COMMD10: variants seen among roughly 807,000 people sequenced by gnomAD.
COMMD10 encodes COMM domain-containing protein 10.
A neutral mutation model predicts 28.9 loss-of-function variants in COMMD10; 33 were observed. That is an observed-to-expected ratio of 1.14 (90% CI 0.87 to 1.53). The LOEUF (loss-of-function observed/expected upper bound fraction) is 1.53, where lower values mean the gene tolerates loss of function less well. Ranked by LOEUF, COMMD10 falls within the 40% of genes most tolerant of loss-of-function variation. The probability of loss-of-function intolerance (pLI) is 0.00; values close to 1 mark genes in which losing one functional copy is unlikely to be tolerated. For missense variants in COMMD10, 310 were observed against 233.4 expected (o/e 1.33, Z -2.14); for synonymous variants, 110 against 81.7 (o/e 1.35, Z -1.87).
At chr5:116,283,924 G>T (rs2112711149) in intron 5 of COMMD10, among the ~76,000 whole-genome samples, 1 of 151,862 alleles carries the variant, frequency 6.6e-6, no homozygotes, top group African/African-American at 2.4e-5. Context: ...GAGCTCAGGG[G>T]TTTGAAACCA....
intron 2 of COMMD10, among the ~76,000 whole-genome samples, chr5:116,089,833 T>C (rs966305749): frequency 6.6e-6 from 1 of 152,246 alleles, no homozygotes; most frequent in Non-Finnish European, 1.5e-5. Context: ...ATTGTTTTTT[T>C]CCTGTACAGT....
At chr5:116,224,378 G>A (rs1749339335) in intron 5 of COMMD10, among the ~76,000 whole-genome samples, 1 of 152,046 alleles carries the variant, frequency 6.6e-6, no homozygotes, top group South Asian at 2.1e-4. Flanking sequence ...TTGGTATAAA[G>A]GAATATCTGA....
intron 5 of COMMD10, among the ~76,000 whole-genome samples, chr5:116,249,805 T>G (rs1750057397): frequency 6.6e-6 from 1 of 151,930 alleles, no homozygotes; most frequent in African/African-American, 2.4e-5. Flanking sequence ...TATTTGTGTT[T>G]TGGGGGGAAT....
At chr5:116,134,735 C>T (rs991288069) in intron 5 of COMMD10, among the ~76,000 whole-genome samples, 9 of 152,154 alleles carry the variant, frequency 5.9e-5, no homozygotes, top group Non-Finnish European at 1.3e-4. Flanking sequence ...CATTCTCCTG[C>T]CTCAGCCTCC....
chr5:116,221,408 A>T (rs1749252373), intron 5 of COMMD10, among the ~76,000 whole-genome samples: 1 of 152,090 alleles, frequency 6.6e-6, no homozygotes, highest in African/African-American at 2.4e-5. Flanking sequence ...CTGCTATCTC[A>T]GTATATTGGT....
At chr5:116,202,185 T>A (rs957738577) in intron 5 of COMMD10, among the ~76,000 whole-genome samples, 1 of 151,924 alleles carries the variant, frequency 6.6e-6, no homozygotes, top group African/African-American at 2.4e-5. Context: ...TGATTTCCAA[T>A]TTCATCCATG....
At chr5:116,163,724 T>C (rs1313834738) in intron 5 of COMMD10, among the ~76,000 whole-genome samples, 1 of 152,214 alleles carries the variant, frequency 6.6e-6, no homozygotes, top group Non-Finnish European at 1.5e-5. Context: ...GAGATTATTC[T>C]TTTATTATAA....
intron 5 of COMMD10, among the ~76,000 whole-genome samples, chr5:116,290,926 A>G (rs770818796): frequency 6.6e-6 from 1 of 152,198 alleles, no homozygotes; most frequent in African/African-American, 2.4e-5. Context: ...TGTAGCACCC[A>G]TAAAGGATTC....
chr5:116,287,838 T>G (rs1751258632), intron 5 of COMMD10, among the ~76,000 whole-genome samples: 1 of 151,810 alleles, frequency 6.6e-6, no homozygotes, highest in African/African-American at 2.4e-5. Context: ...ATATGAAAAC[T>G]TTCTCCTTTA....
intron 5 of COMMD10, among the ~76,000 whole-genome samples, chr5:116,274,235 G>A (rs1418037067): frequency 2.0e-5 from 3 of 151,808 alleles, no homozygotes; most frequent in African/African-American, 7.3e-5. Context: ...TGAGAAATAT[G>A]GATGCTTATT....
At chr5:116,218,216 C>A in intron 5 of COMMD10, 1 of 761,672 alleles carries the variant, frequency 1.3e-6, no homozygotes. Flanking sequence ...AGCGGACAAC[C>A]TTGCAGATCT....
rs191390950 is a variant in COMMD10 at position 116,261,400 on chromosome 5, C to A, written c.511-30117C>A. Among the ~76,000 whole-genome samples the A allele has an allele frequency of 5.9e-5, 9 of 151,664 alleles. No homozygotes were observed. The East Asian group carries it at 1.7e-3, about 29-fold the overall frequency. On this transcript the variant is annotated intron_variant, in intron 5 of 6. Transcript: ENST00000274458. ...GGGTATTTGGAGGATTTTCTTGTTCCAGGTGGTGGTCGTCCTCCTTATTTT... is the reference window on the plus strand; with the variant it reads ...GGGTATTTGGAGGATTTTCTTGTTCAAGGTGGTGGTCGTCCTCCTTATTTT...
chr5:116,260,533 A>T (rs1170932545), intron 5 of COMMD10, among the ~76,000 whole-genome samples: 5 of 151,846 alleles, frequency 3.3e-5, no homozygotes, highest in African/African-American at 1.2e-4. Flanking sequence ...AACTTAACCA[A>T]TATTAAAGAA....
intron 5 of COMMD10, among the ~76,000 whole-genome samples, chr5:116,164,315 G>A (rs1216420657): frequency 7.4e-6 from 1 of 134,696 alleles, no homozygotes; most frequent in Non-Finnish European, 1.5e-5. Context: ...AGTGAAACTC[G>A]GTCTCAAAAA....
At chr5:116,117,292 AAT>A (rs1188442974) in intron 4 of COMMD10, among the ~76,000 whole-genome samples, 4 of 152,206 alleles carry the variant, frequency 2.6e-5, no homozygotes, top group Non-Finnish European at 5.9e-5. Flanking sequence ...AATATCTAGT[AAT>A]GGGGATTGCT....
intron 5 of COMMD10, among the ~76,000 whole-genome samples, chr5:116,284,591 G>T (rs1339369271): frequency 6.6e-6 from 1 of 151,836 alleles, no homozygotes; most frequent in Non-Finnish European, 1.5e-5. Context: ...AATGACAGTG[G>T]TAGGCAGGAA....
intron 5 of COMMD10, among the ~76,000 whole-genome samples, chr5:116,279,966 C>T (rs1435834938): frequency 6.6e-6 from 1 of 151,790 alleles, no homozygotes; most frequent in Non-Finnish European, 1.5e-5. Context: ...CTGATTAGGA[C>T]ATAGGTTCTA....
rs1405794141 is a variant in COMMD10 at position 116,218,361 on chromosome 5, G to C, written c.511-73156G>C. 3 of 611,624 alleles carry C rather than the reference G, an allele frequency of 4.9e-6. No individual in the cohort carries two copies. The East Asian group carries it at 1.1e-4, about 21-fold the overall frequency. The allele number at this position is 611,624 out of a possible 1,614,324, so 37.9% of individuals were successfully genotyped here. On this transcript the variant is annotated intron_variant, in intron 5 of 6. Transcript: ENST00000274458. The stretch of plus-strand genomic sequence containing the variant: ...TAGGATGCAGAGGCATGTGGGCTTT[G>C]GTGAGTCCAGGGGTCGTTCTTGCCT...
At chr5:116,169,171 C>T (rs930513486) in intron 5 of COMMD10, among the ~76,000 whole-genome samples, 1 of 152,040 alleles carries the variant, frequency 6.6e-6, no homozygotes, top group Non-Finnish European at 1.5e-5. Context: ...GGGATATCAC[C>T]ACTGATCCCA....
Sources: gnomAD v4.1 joint callset for allele counts (sites outside exome capture counted in the v4.1 genomes callset) on GRCh38, gnomAD v4.1.1 for gene constraint, MANE v1.5 for transcripts, NCBI Gene and HGNC (gene_info 2026-07-23, HGNC 2026-07-21) for gene names.